The following CHCHD3 variants were observed in gnomAD, a reference collection of about 807,000 sequenced individuals.
CHCHD3 encodes coiled-coil-helix-coiled-coil-helix domain containing 3, also known as MICOS complex subunit MIC19.
A neutral mutation model predicts 38.2 loss-of-function variants in CHCHD3; 20 were observed. That is an observed-to-expected ratio of 0.52 (90% CI 0.37 to 0.76). The LOEUF is 0.76. Ranked by LOEUF, CHCHD3 falls within the 30% of genes least tolerant of loss-of-function variation. CHCHD3 has a pLI of 0.00. For synonymous variants in CHCHD3, 82 were observed against 100.0 expected (o/e 0.82, Z 1.07); for missense variants, 245 against 279.2 (o/e 0.88, Z 0.87).
intron 5 of CHCHD3, among the ~76,000 whole-genome samples, chr7:132,841,927 C>A (rs1807949429): frequency 6.6e-6 from 1 of 151,932 alleles, no homozygotes; most frequent in African/African-American, 2.4e-5. Flanking sequence ...GAAACCCAGT[C>A]TCTACTAAAA....
At chr7:132,984,381 C>T (rs1239331579) in intron 3 of CHCHD3, among the ~76,000 whole-genome samples, 1 of 151,712 alleles carries the variant, frequency 6.6e-6, no homozygotes, top group Non-Finnish European at 1.5e-5. Context: ...GGTGCCCAGG[C>T]TGGAGTGCAG....
At chr7:132,963,322 ATTTTT>A (rs1005146883) in intron 4 of CHCHD3, among the ~76,000 whole-genome samples, 1 of 87,568 alleles carries the variant, frequency 1.1e-5, no homozygotes, top group Admixed American at 1.4e-4. Context: ...TAAAATTGTA[ATTTTT>A]TTTTTTTTTT....
At chr7:133,027,363 A>AGAGAGAG (rs1554402334) in intron 2 of CHCHD3, among the ~76,000 whole-genome samples, 16,815 of 133,684 alleles carry the variant, frequency 0.13, 1,137 homozygotes, top group Middle Eastern at 0.18. Context: ...AATAAGTTGT[A>AGAGAGAG]AGAGAGAGAG....
intron 4 of CHCHD3, among the ~76,000 whole-genome samples, chr7:132,903,006 C>T (rs574513147): frequency 4.3e-4 from 66 of 152,206 alleles, no homozygotes; most frequent in African/African-American, 1.5e-3. Flanking sequence ...TGTCAACTTA[C>T]AATTTTTAAC....
intron 2 of CHCHD3, among the ~76,000 whole-genome samples, chr7:133,062,730 A>T (rs984431612): frequency 6.6e-6 from 1 of 152,158 alleles, no homozygotes; most frequent in African/African-American, 2.4e-5. Context: ...ACATTACTAT[A>T]TTTCTAATCT....
chr7:132,848,336 G>A (rs1808132729), intron 5 of CHCHD3, among the ~76,000 whole-genome samples: 3 of 152,150 alleles, frequency 2.0e-5, no homozygotes, highest in Admixed American at 6.5e-5. Flanking sequence ...CAGGAACTAT[G>A]ATACATAATC....
intron 2 of CHCHD3, among the ~76,000 whole-genome samples, chr7:133,042,465 C>A (rs781544748): frequency 6.6e-6 from 1 of 152,168 alleles, no homozygotes; most frequent in Non-Finnish European, 1.5e-5. Context: ...CCATCCTTAT[C>A]CCAGAAAGAT....
intron 7 of CHCHD3, among the ~76,000 whole-genome samples, chr7:132,795,120 G>A (rs1034128768): frequency 2.0e-5 from 3 of 152,186 alleles, no homozygotes; most frequent in East Asian, 1.9e-4. Context: ...AAACAGGCAC[G>A]TATGTTAGAG....
chr7:133,081,741 G>C (rs1307478117), intron 1 of CHCHD3, 116 bp downstream of exon 1: 2 of 974,092 alleles, frequency 2.1e-6, no homozygotes, highest in African/African-American at 1.6e-5. Flanking sequence ...TGGGCTTCTG[G>C]CCTTAATACG....
intron 4 of CHCHD3, among the ~76,000 whole-genome samples, chr7:132,897,935 T>C (rs1433103932): frequency 6.6e-6 from 1 of 152,166 alleles, no homozygotes; most frequent in African/African-American, 2.4e-5. Context: ...TTCCTTCTGA[T>C]GTTCAGATGT....
At chr7:133,069,073 T>G (rs377413877) in intron 2 of CHCHD3, among the ~76,000 whole-genome samples, 1 of 151,960 alleles carries the variant, frequency 6.6e-6, no homozygotes, top group Non-Finnish European at 1.5e-5. Flanking sequence ...GACTGAGGGT[T>G]GCAAGTAGGG....
intron 4 of CHCHD3, among the ~76,000 whole-genome samples, chr7:132,942,185 G>A (rs1810784867): frequency 6.6e-6 from 1 of 152,138 alleles, no homozygotes; most frequent in Non-Finnish European, 1.5e-5. Context: ...TGGAGAGAGG[G>A]AAGGGGCAGA....
At chr7:132,986,424 GAAA>G (rs59151340) in intron 3 of CHCHD3, among the ~76,000 whole-genome samples, 2,667 of 131,272 alleles carry the variant, frequency 0.02, 92 homozygotes, top group African/African-American at 0.07. Context: ...AAAGAAAAAA[GAAA>G]AAAAAAAAAA....
At chr7:132,895,454 AG>A (rs1809470282) in intron 4 of CHCHD3, among the ~76,000 whole-genome samples, 1 of 152,242 alleles carries the variant, frequency 6.6e-6, no homozygotes, top group South Asian at 2.1e-4. Flanking sequence ...GTTGCCTAGG[AG>A]GCAAAATCGC....
intron 5 of CHCHD3, among the ~76,000 whole-genome samples, chr7:132,869,632 G>A (rs2117147203): frequency 6.6e-6 from 1 of 152,280 alleles, no homozygotes; most frequent in Admixed American, 6.5e-5. Context: ...TGTTGCCCAG[G>A]CTGGAGTGCA....
intron 3 of CHCHD3, among the ~76,000 whole-genome samples, chr7:132,994,813 G>A (rs570146038): frequency 1.3e-5 from 2 of 152,122 alleles, no homozygotes; most frequent in African/African-American, 4.8e-5. Flanking sequence ...AGAGTTGAAG[G>A]GGCCTTATCC....
intron 4 of CHCHD3, among the ~76,000 whole-genome samples, chr7:132,955,082 A>G (rs1811125765): frequency 6.6e-6 from 1 of 152,082 alleles, no homozygotes; most frequent in Admixed American, 6.5e-5. Flanking sequence ...GCCTTAGCCC[A>G]GGGAAGTCAT....
At chr7:132,984,840 T>A (rs1253978206) in intron 3 of CHCHD3, among the ~76,000 whole-genome samples, 1 of 115,422 alleles carries the variant, frequency 8.7e-6, no homozygotes. Flanking sequence ...CCACCCGGTC[T>A]GGGAGGGAGG....
intron 4 of CHCHD3, among the ~76,000 whole-genome samples, chr7:132,971,935 A>G (rs531780614): frequency 3.9e-5 from 6 of 152,170 alleles, no homozygotes; most frequent in Non-Finnish European, 7.4e-5. Flanking sequence ...TGGGTTCTGA[A>G]GATGCCCACC....
Sources: gnomAD v4.1 joint callset for allele counts (sites outside exome capture counted in the v4.1 genomes callset) on GRCh38, gnomAD v4.1.1 for gene constraint, MANE v1.5 for transcripts, NCBI Gene and HGNC (gene_info 2026-07-23, HGNC 2026-07-21) for gene names.